Variants in SDK1 observed in about 807,000 individuals in gnomAD.
SDK1 encodes the protein protein sidekick-1.
Under a neutral mutation model 245.5 loss-of-function variants are expected in SDK1, and 157 were observed. The observed-to-expected ratio is 0.64, with a 90% CI of 0.56 to 0.73. SDK1 has a LOEUF of 0.73. Among genes scored for constraint, SDK1 ranks in the 30% least tolerant of loss-of-function variants. The probability of loss-of-function intolerance (pLI) is 0.00; values close to 1 mark genes in which losing one functional copy is unlikely to be tolerated. For synonymous variants in SDK1, 1,647 were observed against 1,278.5 expected (o/e 1.29, Z -6.15); for missense variants, 3,583 against 3,002.3 (o/e 1.19, Z -4.52).
At chr7:4,212,463 A>G (rs1471019336) in intron 38 of SDK1, among the ~76,000 whole-genome samples, 1 of 152,220 alleles carries the variant, frequency 6.6e-6, no homozygotes, top group Non-Finnish European at 1.5e-5. Flanking sequence ...TTGGTAAATA[A>G]CAGTAGAGGT....
At chr7:3,419,317 T>C (rs759023165) in intron 1 of SDK1, among the ~76,000 whole-genome samples, 2 of 152,234 alleles carry the variant, frequency 1.3e-5, no homozygotes, top group African/African-American at 4.8e-5. Context: ...TAGGTTATAC[T>C]GCGTCTCTGT....
chr7:4,265,361 A>G lies in SDK1; in HGVS notation c.6619A>G (p.Thr2207Ala). The G allele has an allele frequency of 6.9e-7, 1 of 1,452,138 alleles. No homozygotes were observed. Among genetic ancestry groups the G allele is most frequent in the South Asian group, 1.5e-5 (1 of 68,830 alleles). The allele number at this position is 1,452,138 out of a possible 1,614,324, so 90.0% of individuals were successfully genotyped here. The change falls in exon 45 of 45, where the codon ACC becomes GCC. Residue 2207 changes from threonine to alanine, a missense_variant. Thr to Ala is a moderately conservative substitution (Grantham distance 58). Coordinates refer to ENST00000404826, the MANE Select transcript of SDK1 (RefSeq NM_152744.4). The part of the protein sequence containing the change: ...PAGPGARTPL[T>A]GFSSFV The stretch of plus-strand genomic sequence containing the variant: ...TGGCCCCGGCGCGCGAACTCCGCTC[A>G]CCGGCTTCTCCTCCTTCGTGTGAGC...
intron 4 of SDK1, among the ~76,000 whole-genome samples, chr7:3,699,721 C>G (rs1274250814): frequency 6.6e-6 from 1 of 151,814 alleles, no homozygotes; most frequent in Non-Finnish European, 1.5e-5. Context: ...AAGAATTATT[C>G]AAAGAAATAA....
At chr7:3,460,809 A>G (rs917797564) in intron 1 of SDK1, among the ~76,000 whole-genome samples, 2 of 152,214 alleles carry the variant, frequency 1.3e-5, no homozygotes, top group Non-Finnish European at 2.9e-5. Flanking sequence ...AAATCTACTT[A>G]CAGAAACCAT....
At chr7:3,754,935 C>A (rs997581230) in intron 4 of SDK1, among the ~76,000 whole-genome samples, 1 of 152,172 alleles carries the variant, frequency 6.6e-6, no homozygotes, top group African/African-American at 2.4e-5. Flanking sequence ...GAGTTTCTTA[C>A]ATTACTGATT....
chr7:3,794,331 T>C (rs886815656), intron 4 of SDK1, among the ~76,000 whole-genome samples: 1 of 152,138 alleles, frequency 6.6e-6, no homozygotes, highest in African/African-American at 2.4e-5. Flanking sequence ...TTTTAAATTT[T>C]TATAACGATT....
chr7:3,920,587 C>A (rs1779551343), intron 5 of SDK1, among the ~76,000 whole-genome samples: 1 of 152,114 alleles, frequency 6.6e-6, no homozygotes, highest in Admixed American at 6.5e-5. Context: ...AACAGAAGTT[C>A]TGCTTGGATT....
intron 38 of SDK1, among the ~76,000 whole-genome samples, chr7:4,212,768 G>T (rs976462596): frequency 6.6e-6 from 1 of 152,234 alleles, no homozygotes; most frequent in Admixed American, 6.5e-5. Flanking sequence ...CATAACCAAC[G>T]AGGACCATTT....
At chr7:3,808,481 T>G (rs1479859170) in intron 4 of SDK1, among the ~76,000 whole-genome samples, 1 of 152,222 alleles carries the variant, frequency 6.6e-6, no homozygotes, top group Non-Finnish European at 1.5e-5. Context: ...TGGCAACTTC[T>G]GAATAATTCC....
At chr7:3,779,536 T>A (rs1287807457) in intron 4 of SDK1, among the ~76,000 whole-genome samples, 1 of 152,212 alleles carries the variant, frequency 6.6e-6, no homozygotes, top group Non-Finnish European at 1.5e-5. Flanking sequence ...AAAACCGTTT[T>A]CATATTTGGA....
chr7:4,179,656 C>T (rs77439173), intron 35 of SDK1, among the ~76,000 whole-genome samples: 6,366 of 152,032 alleles, frequency 0.042, 195 homozygotes, highest in African/African-American at 0.084. Flanking sequence ...CACCGAGGTA[C>T]GGCTCAGCTT....
intron 7 of SDK1, among the ~76,000 whole-genome samples, chr7:3,955,930 G>A (rs762624866): frequency 4.6e-5 from 7 of 152,212 alleles, no homozygotes; most frequent in Non-Finnish European, 1.0e-4. Context: ...CTAGAAGCTT[G>A]CGCTGCCCCT....
intron 20 of SDK1, 67 bp from the exon 21 acceptor site, chr7:4,076,931 C>A: frequency 1.5e-6 from 2 of 1,374,616 alleles, no homozygotes; most frequent in Non-Finnish European, 2.0e-6. Flanking sequence ...AACGATGGTG[C>A]TGTGGAATTC....
chr7:3,531,394 A>G (rs1021653341), intron 1 of SDK1, among the ~76,000 whole-genome samples: 4 of 152,220 alleles, frequency 2.6e-5, no homozygotes, highest in Non-Finnish European at 5.9e-5. Context: ...TTTGAAAAAT[A>G]AGCATTTGAA....
intron 1 of SDK1, among the ~76,000 whole-genome samples, chr7:3,376,307 C>T (rs936584866): frequency 6.6e-6 from 1 of 152,046 alleles, no homozygotes; most frequent in Admixed American, 6.5e-5. Flanking sequence ...AGAAGGATTT[C>T]CTAACTATGA....
rs117786329 is a variant in SDK1 at position 3,511,321 on chromosome 7, G to A, written c.299-107759G>A. Among the ~76,000 whole-genome samples, 1,043 of 152,164 alleles carry A rather than the reference G, an allele frequency of 6.9e-3. 39 individuals are homozygous for A. Among genetic ancestry groups the A allele is most frequent in the East Asian group, 0.013 (67 of 5,190 alleles). On this transcript the variant is annotated intron_variant, in intron 1 of 44. Coordinates refer to ENST00000404826, the MANE Select transcript of SDK1 (RefSeq NM_152744.4). ...TGCAGAATAATATCTACCTATTTAC[G>A]TGTGTTGAGATTTTGCATTTGATTT... is the stretch of plus-strand genomic sequence containing the variant.
intron 1 of SDK1, among the ~76,000 whole-genome samples, chr7:3,533,190 C>G (rs1036512134): frequency 6.6e-6 from 1 of 152,144 alleles, no homozygotes; most frequent in Non-Finnish European, 1.5e-5. Context: ...ATCTCTCTTA[C>G]CACTCTCTGA....
intron 4 of SDK1, among the ~76,000 whole-genome samples, chr7:3,746,034 A>G (rs1779607600): frequency 6.6e-6 from 1 of 152,192 alleles, no homozygotes; most frequent in African/African-American, 2.4e-5. Flanking sequence ...TAGTAAGAGT[A>G]CCTACCTCAC....
intron 1 of SDK1, among the ~76,000 whole-genome samples, chr7:3,540,127 C>A (rs1329946497): frequency 6.6e-6 from 1 of 152,156 alleles, no homozygotes; most frequent in Non-Finnish European, 1.5e-5. Flanking sequence ...AAGAGGGAGG[C>A]CGGGTGTGGT....
Sources: allele counts gnomAD v4.1 joint callset (sites outside exome capture counted in the v4.1 genomes callset), GRCh38; gene constraint gnomAD v4.1.1; transcripts MANE v1.5; gene names NCBI Gene and HGNC (gene_info 2026-07-23, HGNC 2026-07-21).